Variants in ACAD10 observed in about 807,000 individuals in gnomAD.
ACAD10 encodes the protein ACAD-10.
Under a neutral mutation model 116.8 loss-of-function variants are expected in ACAD10, and 112 were observed. The observed-to-expected ratio is 0.96, with a 90% CI of 0.82 to 1.12. The LOEUF is 1.12. ACAD10 is among the 50% of genes most tolerant of loss of function. The probability of loss-of-function intolerance (pLI) is 0.00; values close to 1 mark genes in which losing one functional copy is unlikely to be tolerated. For synonymous variants in ACAD10, 486 were observed against 510.6 expected, an observed-to-expected ratio of 0.95 and a Z score of 0.65; for missense variants, 1,259 against 1,350.2, an observed-to-expected ratio of 0.93 and a Z score of 1.06.
At chr12:111,712,069 G>A (rs1888701647) in intron 5 of ACAD10, among the ~76,000 whole-genome samples, 1 of 152,094 alleles carries the variant, frequency 6.6e-6, no homozygotes, top group Non-Finnish European at 1.5e-5. Flanking sequence ...AGCCAATTAG[G>A]ACAAATACAG....
chr12:111,705,219 A>G (rs1244834501), intron 3 of ACAD10, among the ~76,000 whole-genome samples: 1 of 151,590 alleles, frequency 6.6e-6, no homozygotes, highest in South Asian at 2.1e-4. Flanking sequence ...TAAAGAACTC[A>G]TTTAATTGTA....
chr12:111,735,851 T>C (rs912252251), intron 11 of ACAD10, among the ~76,000 whole-genome samples: 7 of 152,066 alleles, frequency 4.6e-5, no homozygotes, highest in Admixed American at 2.0e-4. Context: ...TTTGTTTATT[T>C]ATTTTTGAGA....
At chr12:111,697,301 C>T (rs1888215887) in intron 2 of ACAD10, among the ~76,000 whole-genome samples, 1 of 150,620 alleles carries the variant, frequency 6.6e-6, no homozygotes, top group African/African-American at 2.4e-5. Flanking sequence ...AAATGTTTGA[C>T]TTTAAAATTT....
Position 111,756,525 on chromosome 12 carries a change from A to G in ACAD10, c.*52A>G. On this transcript the variant is annotated 3_prime_UTR_variant, in exon 21 of 21. Coordinates refer to ENST00000313698, the MANE Select transcript of ACAD10 (RefSeq NM_025247.6). ...TCCTGGCTGGTCCAGCTGTGCCCAG[A>G]TCTGTCACTGATGTGCCTCGAAAGA... 1 of 1,599,004 alleles carries G rather than the reference A, an allele frequency of 6.3e-7. No homozygotes were observed. The highest frequency in any genetic ancestry group is 8.5e-7 in the Non-Finnish European group (1 of 1,176,206).
chr12:111,753,284 C>T (rs867344749), intron 18 of ACAD10: 2 of 331,052 alleles, frequency 6.0e-6, no homozygotes, highest in Middle Eastern at 1.1e-3. Flanking sequence ...GGCGGAAGGC[C>T]GGGAGCGAGA....
intron 16 of ACAD10, 24 bp downstream of exon 16, chr12:111,747,409 C>A (rs1889943733): frequency 6.2e-7 from 1 of 1,612,854 alleles, no homozygotes; most frequent in Admixed American, 1.7e-5. Flanking sequence ...AATGCACTTT[C>A]CAAATGCACA....
chr12:111,699,650 TG>T (rs1273960530), intron 2 of ACAD10, among the ~76,000 whole-genome samples: 1 of 152,162 alleles, frequency 6.6e-6, no homozygotes, highest in African/African-American at 2.4e-5. Flanking sequence ...GTGGATGTGA[TG>T]GCTTATGGCT....
chr12:111,744,947 C>G lies in ACAD10; in HGVS notation c.2019C>G (p.Phe673Leu), dbSNP rs148795385. 6.2e-7 allele frequency: 1 copy of G among 1,614,052 alleles called. No homozygotes were observed. The highest frequency in any genetic ancestry group is 1.3e-5 in the African/African-American group (1 of 74,924). Reference sequence around the variant, plus strand: ...AGCTGTATCACCGGCTGAAGCACTTCATGGAGCAACGTGTGTACCCTGCAG... The same window carrying G: ...AGCTGTATCACCGGCTGAAGCACTTGATGGAGCAACGTGTGTACCCTGCAG... ...VRELYHRLKHFMEQRVYPAEP... is the reference protein window; with the variant it reads ...VRELYHRLKHLMEQRVYPAEP... The change falls in exon 13 of 21, where the codon TTC becomes TTG. Residue 673 changes from phenylalanine to leucine, a missense_variant. Transcript: ENST00000313698.
intron 5 of ACAD10, among the ~76,000 whole-genome samples, chr12:111,711,721 C>T (rs1888691778): frequency 6.6e-6 from 1 of 150,816 alleles, no homozygotes; most frequent in Admixed American, 6.6e-5. Flanking sequence ...ACTGTGTTAG[C>T]CAGGATGATC....
intron 4 of ACAD10, among the ~76,000 whole-genome samples, chr12:111,706,148 G>C (rs146299279): frequency 5.2e-4 from 79 of 152,264 alleles, no homozygotes; most frequent in African/African-American, 1.7e-3. Context: ...TTGATTACTG[G>C]TTGACACTTC....
chr12:111,732,535 C>T (rs553471908), intron 10 of ACAD10, among the ~76,000 whole-genome samples: 3 of 152,196 alleles, frequency 2.0e-5, no homozygotes, highest in East Asian at 1.9e-4. Context: ...CAAAAAAGCA[C>T]GTACAATATC....
intron 12 of ACAD10, among the ~76,000 whole-genome samples, chr12:111,738,623 T>C (rs1476290267): frequency 6.6e-6 from 1 of 151,886 alleles, no homozygotes; most frequent in Non-Finnish European, 1.5e-5. Flanking sequence ...TCCCAGCACT[T>C]TGGGAGGCCA....
chr12:111,734,261 G>T (rs930689335), intron 11 of ACAD10, among the ~76,000 whole-genome samples, 193 bp downstream of exon 11: 1 of 152,214 alleles, frequency 6.6e-6, no homozygotes, highest in African/African-American at 2.4e-5. Context: ...TGTTTTAAGT[G>T]AAAAGTATGC....
chr12:111,706,330 C>T (rs557346568), intron 4 of ACAD10, among the ~76,000 whole-genome samples: 3 of 152,326 alleles, frequency 2.0e-5, no homozygotes, highest in South Asian at 2.1e-4. Flanking sequence ...CTGCCTTCCT[C>T]GGCCTGATTT....
chr12:111,688,735 G>A (rs1887953494), intron 1 of ACAD10, among the ~76,000 whole-genome samples: 1 of 151,730 alleles, frequency 6.6e-6, no homozygotes, highest in Non-Finnish European at 1.5e-5. Context: ...AACCTGGGAG[G>A]CGGTTGCAGT....
rs574142771 is a variant in ACAD10 at position 111,730,480 on chromosome 12, G to A, written c.1394+524G>A. ...AGTGACAGGGTCTCTGGGGGTATGT[G>A]ATGAGTCTGTAGCACGGCTAAAATG... On this transcript the variant is annotated intron_variant, in intron 10 of 20. Coordinates refer to ENST00000313698, the MANE Select transcript of ACAD10 (RefSeq NM_025247.6). Among the ~76,000 whole-genome samples, 41 of 151,630 alleles carry A rather than the reference G, an allele frequency of 2.7e-4. 1 individual carries two copies. Among genetic ancestry groups the A allele is most frequent in the African/African-American group, 9.6e-4 (40 of 41,520 alleles).
At chr12:111,734,653 G>A (rs1278227793) in intron 11 of ACAD10, among the ~76,000 whole-genome samples, 1 of 152,056 alleles carries the variant, frequency 6.6e-6, no homozygotes, top group Non-Finnish European at 1.5e-5. Flanking sequence ...CACATTTATT[G>A]TGAAAATACT....
chr12:111,695,182 A>G (rs1320801979), intron 2 of ACAD10, among the ~76,000 whole-genome samples: 1 of 152,108 alleles, frequency 6.6e-6, no homozygotes, highest in Admixed American at 6.5e-5. Flanking sequence ...CCTGCTATGG[A>G]CTACCTGATG....
chr12:111,755,559 C>T (rs1256308412), intron 19 of ACAD10, 109 bp from the exon 20 acceptor site: 1 of 761,042 alleles, frequency 1.3e-6, no homozygotes, highest in Non-Finnish European at 2.3e-6. Flanking sequence ...CATGCTACCA[C>T]ACCCTGCTAG....
Sources: allele counts gnomAD v4.1 joint callset (sites outside exome capture counted in the v4.1 genomes callset), GRCh38; gene constraint gnomAD v4.1.1; transcripts MANE v1.5; gene names NCBI Gene and HGNC (gene_info 2026-07-23, HGNC 2026-07-21).